ESCO2: variants seen among roughly 807,000 people sequenced by gnomAD.
The protein encoded by ESCO2 is establishment of sister chromatid cohesion N-acetyltransferase 2, also known as N-acetyltransferase ESCO2.
ESCO2 carries 51 observed loss-of-function variants against 61.7 expected under a neutral mutation model. That is an observed-to-expected ratio of 0.83 (90% confidence interval 0.66 to 1.04). The LOEUF (loss-of-function observed/expected upper bound fraction) is 1.04. Ranked by LOEUF, ESCO2 falls within the 50% of genes least tolerant of loss-of-function variation. The pLI is 0.00. For missense variants in ESCO2, 692 were observed against 686.2 expected (o/e 1.01, Z -0.09); for synonymous variants, 230 against 238.2 (o/e 0.97, Z 0.32).
chr8:27,781,509 A>T (rs1212914627), intron 4 of ESCO2, among the ~76,000 whole-genome samples: 2 of 151,266 alleles, frequency 1.3e-5, no homozygotes, highest in East Asian at 3.9e-4. Context: ...CATTCTTAAC[A>T]TCTTATGTTA....
chr8:27,802,607 CAAAAAAA>C (rs1188348304), intron 10 of ESCO2, among the ~76,000 whole-genome samples: 11 of 29,176 alleles, frequency 3.8e-4, no homozygotes, highest in African/African-American at 9.9e-4. Flanking sequence ...GACTCTGTCT[CAAAAAAA>C]AAAAAAAAAA....
rs780047911 is a variant in ESCO2 at position 27,803,396 on chromosome 8, C to G, written c.1764C>G (p.Tyr588Ter). ...TPDGKLFATK[Y>*]CNTPNFLVYN... Reference sequence around the variant, plus strand: ...ATGGCAAGTTATTTGCAACCAAGTACTGCAACACCCCTAATTTCCTCGTAT... The same window carrying G: ...ATGGCAAGTTATTTGCAACCAAGTAGTGCAACACCCCTAATTTCCTCGTAT... Residue 588 changes from tyrosine to a stop codon, truncating the protein, a stop_gained, in exon 11 of 11, where the codon TAC (tyrosine) becomes TAG (stop). Transcript: ENST00000305188. LOFTEE classifies it high-confidence loss of function. 2 of 1,613,764 alleles carry G rather than the reference C, an allele frequency of 1.2e-6. No homozygotes were observed. The highest frequency in any genetic ancestry group is 4.5e-5 in the East Asian group (2 of 44,860).
chr8:27,793,477 T>G (rs1485195714), intron 9 of ESCO2, among the ~76,000 whole-genome samples: 8 of 112,764 alleles, frequency 7.1e-5, no homozygotes, highest in Non-Finnish European at 1.5e-4. Context: ...TTCTTTTTCT[T>G]TGTTTTTTTT....
rs551215672 is a variant in ESCO2 at position 27,796,322 on chromosome 8, T to C, written c.1498-3219T>C. ...GATTTTGTTTAGTTGAGTCTTCTTT[T>C]TTCTTAGTCTAGCTAAAGGTTTGTC... is the stretch of plus-strand genomic sequence containing the variant. On this transcript the variant is annotated intron_variant, in intron 9 of 10. Transcript: ENST00000305188. Among the ~76,000 whole-genome samples, 6 of 152,254 alleles carry C rather than the reference T, an allele frequency of 3.9e-5. No individual in the cohort carries two copies. The South Asian group carries it at 6.2e-4, about 16-fold the overall frequency.
At chr8:27,784,078 A>G in intron 5 of ESCO2, 21 bp downstream of exon 5, 1 of 1,608,474 alleles carries the variant, frequency 6.2e-7, no homozygotes, top group Non-Finnish European at 8.5e-7. Flanking sequence ...TTATTGTTTT[A>G]AAGTCCAAGC....
At chr8:27,799,838 CA>C in intron 10 of ESCO2, 122 bp downstream of exon 10, 1 of 1,197,558 alleles carries the variant, frequency 8.4e-7, no homozygotes, top group Non-Finnish European at 1.2e-6. Flanking sequence ...CTATTAAAGT[CA>C]GGCTAAGGAA....
chr8:27,799,412 T>C, intron 9 of ESCO2, 129 bp from the exon 10 acceptor site: 5 of 988,766 alleles, frequency 5.1e-6, no homozygotes, highest in East Asian at 2.6e-5. Flanking sequence ...ATTTAAGAAA[T>C]AGAAAATATT....
At chr8:27,814,215 T>C (rs1805765836), downstream of ESCO2, among the ~76,000 whole-genome samples, 1 of 152,206 alleles carries the variant, frequency 6.6e-6, no homozygotes, top group South Asian at 2.1e-4. Context: ...TGTTTCTTAG[T>C]AGACATAGGG....
At chr8:27,772,577 A>C, upstream of ESCO2, 1 of 1,544,148 alleles carries the variant, frequency 6.5e-7, no homozygotes, top group Non-Finnish European at 8.8e-7. Context: ...ACCGCGGAGC[A>C]GCAGCGCTCA....
At position 27,787,288 on chromosome 8, in the gene ESCO2, G is replaced by A. The variant is rs147111475; in HGVS notation, c.1014-597G>A. Among the ~76,000 whole-genome samples, 325 of 151,958 alleles carry A rather than the reference G, an allele frequency of 2.1e-3. 2 individuals are homozygous for A. Among genetic ancestry groups the A allele is most frequent in the African/African-American group, 7.6e-3 (316 of 41,442 alleles). On this transcript the variant is annotated intron_variant, in intron 5 of 10. Coordinates refer to ENST00000305188, the MANE Select transcript of ESCO2 (RefSeq NM_001017420.3). ...TCAACATTCTTTCATAATAGGTAAA[G>A]GTTGTCTCAACTACAGCTATCCAGC...
At chr8:27,772,879 A>G (rs1194959934), upstream of ESCO2, among the ~76,000 whole-genome samples, 1 of 152,192 alleles carries the variant, frequency 6.6e-6, no homozygotes, top group Non-Finnish European at 1.5e-5. Flanking sequence ...TTAGGGTTAA[A>G]TAAGTTAATG....
intron 9 of ESCO2, 27 bp from the exon 10 acceptor site, chr8:27,799,514 T>G (rs759569256): frequency 1.2e-6 from 2 of 1,612,978 alleles, no homozygotes; most frequent in Admixed American, 3.3e-5. Flanking sequence ...TGGTGTTAGC[T>G]ATAGATGCTT....
chr8:27,789,816 A>G (rs866408945), intron 7 of ESCO2, among the ~76,000 whole-genome samples: 35 of 152,134 alleles, frequency 2.3e-4, no homozygotes, highest in South Asian at 6.2e-4. Flanking sequence ...ATGAAACATA[A>G]GTCTAGTATG....
At chr8:27,801,015 T>A (rs140860600) in intron 10 of ESCO2, among the ~76,000 whole-genome samples, 1 of 152,196 alleles carries the variant, frequency 6.6e-6, no homozygotes, top group Non-Finnish European at 1.5e-5. Flanking sequence ...TAGATAGTGG[T>A]GGTGACTGGA....
Position 27,775,535 on chromosome 8 carries a change from G to A in ESCO2, c.21G>A (p.Arg7=), listed in dbSNP as rs1045389398. MAALTP[R]KRKQDSLKCD... Reference sequence around the variant, plus strand: ...AGAAAATGGCAGCTCTTACTCCAAGGAAGAGGAAGCAGGATTCTTTGAAGT... The same window carrying A: ...AGAAAATGGCAGCTCTTACTCCAAGAAAGAGGAAGCAGGATTCTTTGAAGT... Residue 7 remains arginine (R), a synonymous_variant, in exon 2 of 11, where the codon AGG becomes AGA. Transcript: ENST00000305188. 1.2e-6 allele frequency: 2 copies of A among 1,613,964 alleles called. No homozygotes were observed. The highest frequency in any genetic ancestry group is 2.7e-5 in the African/African-American group (2 of 74,922).
intron 10 of ESCO2, 81 bp from the exon 11 acceptor site, chr8:27,803,225 G>A: frequency 1.6e-6 from 2 of 1,244,626 alleles, no homozygotes; most frequent in Non-Finnish European, 2.4e-6. Context: ...TTTAAGTCAA[G>A]AGTATTTACT....
chr8:27,796,358 C>T (rs1429262908), intron 9 of ESCO2, among the ~76,000 whole-genome samples: 1 of 151,966 alleles, frequency 6.6e-6, no homozygotes, highest in East Asian at 1.9e-4. Flanking sequence ...AATTATCTTT[C>T]AAAAAACCAA....
At chr8:27,800,582 T>C (rs902978537) in intron 10 of ESCO2, among the ~76,000 whole-genome samples, 3 of 152,196 alleles carry the variant, frequency 2.0e-5, no homozygotes, top group South Asian at 4.1e-4. Context: ...TAAACTGTTA[T>C]GTGACCTAGC....
At chr8:27,812,317 G>A (rs1414244083), downstream of ESCO2, 1 of 152,038 alleles carries the variant, frequency 6.6e-6, no homozygotes, top group Non-Finnish European at 1.5e-5. Context: ...ATTGAGATAT[G>A]TAGTTTTCAA....
Sources: allele counts gnomAD v4.1 joint callset (sites outside exome capture counted in the v4.1 genomes callset), GRCh38; gene constraint gnomAD v4.1.1; transcripts MANE v1.5; gene names NCBI Gene and HGNC (gene_info 2026-07-23, HGNC 2026-07-21).